DMGDH: variants seen among roughly 807,000 people sequenced by gnomAD.
DMGDH encodes dimethylglycine dehydrogenase.
DMGDH carries 76 observed loss-of-function variants against 95.2 expected under a neutral mutation model. The ratio of observed to expected loss-of-function variants is 0.80; its 90% CI spans 0.66 to 0.97. The LOEUF is 0.97. DMGDH is among the 50% of genes least tolerant of loss of function. The pLI is 0.00. For synonymous variants in DMGDH, 345 were observed against 377.6 expected (o/e 0.91, Z 1.00); for missense variants, 987 against 1,055.0 (o/e 0.94, Z 0.89).
At chr5:79,069,189 A>G (rs548955314) in intron 1 of DMGDH, among the ~76,000 whole-genome samples, 1 of 152,330 alleles carries the variant, frequency 6.6e-6, no homozygotes, top group East Asian at 1.9e-4. Context: ...AATCTCCAAG[A>G]TATATTGATA....
chr5:79,025,568 T>TA (rs1297236956), intron 13 of DMGDH, among the ~76,000 whole-genome samples: 1 of 152,224 alleles, frequency 6.6e-6, no homozygotes, highest in Non-Finnish European at 1.5e-5. Flanking sequence ...TTCTGTAGCA[T>TA]AAAAAATCCA....
rs1487867555 is a variant in DMGDH at position 79,005,260 on chromosome 5, C to T, written c.2385+13G>A. ...ATGCCACAGCCCCTGGCAGTGAGGT[C>T]CTCAGCACTCACCTTGCCATTGTAC... On this transcript the variant is annotated intron_variant, in intron 15 of 15. Coordinates refer to ENST00000255189, the MANE Select transcript of DMGDH (RefSeq NM_013391.3). 6.2e-7 allele frequency: 1 copy of T among 1,613,296 alleles called. No individual in the cohort carries two copies. The highest frequency in any genetic ancestry group is 1.7e-5 in the Admixed American group (1 of 59,976).
At chr5:79,067,526 A>C (rs192001441) in intron 1 of DMGDH, among the ~76,000 whole-genome samples, 1 of 152,332 alleles carries the variant, frequency 6.6e-6, no homozygotes, top group Admixed American at 6.5e-5. Flanking sequence ...CTGAACAGCT[A>C]TTTTAGAGAA....
intron 9 of DMGDH, among the ~76,000 whole-genome samples, chr5:79,032,213 C>T (rs575225333): frequency 1.3e-5 from 2 of 152,318 alleles, no homozygotes; most frequent in South Asian, 4.1e-4. Flanking sequence ...ATGCAAATGA[C>T]CTTATCAACT....
Position 78,998,177 on chromosome 5 carries a change from T to A in DMGDH, c.2506A>T (p.Lys836Ter). The A allele has an allele frequency of 6.2e-7, 1 of 1,614,238 alleles. No individual in the cohort carries two copies. The highest frequency in any genetic ancestry group is 1.1e-5 in the South Asian group (1 of 91,082). ...GQQVEVELLG[K>*]NYPAVIIQEP... ...TGTATGATGACTGCTGGGTAATTTT[T>A]GCCTAATAGTTCAACTTCCACTTGC... Residue 836 changes from lysine (K) to a stop codon, truncating the protein, a stop_gained, in exon 16 of 16, where the codon AAA becomes TAA. Coordinates refer to ENST00000255189, the MANE Select transcript of DMGDH (RefSeq NM_013391.3). LOFTEE classifies it high-confidence loss of function.
rs1168546804 is a variant in DMGDH at position 79,051,400 on chromosome 5, G to T, written c.632C>A (p.Ala211Asp). 6.2e-7 allele frequency: 1 copy of T among 1,614,070 alleles called. No homozygotes were observed. Among genetic ancestry groups the T allele is most frequent in the Admixed American group, 1.7e-5 (1 of 60,010 alleles). Residue 211 changes from alanine to aspartate, a missense_variant, in exon 5 of 16, where the codon GCC (alanine) becomes GAC (aspartate). Ala to Asp is a moderately radical substitution (Grantham distance 126). Coordinates refer to ENST00000255189, the MANE Select transcript of DMGDH (RefSeq NM_013391.3). Reference sequence around the variant, plus strand: ...TACTGGTGCAGGATATTTTAAAAGGGCACCACATTTCCTAGCCCCAGCAGC... The same window carrying T: ...TACTGGTGCAGGATATTTTAAAAGGTCACCACATTTCCTAGCCCCAGCAGC... ...ALAAGARKCG[A>D]LLKYPAPVTS...
At chr5:79,063,259 A>G (rs1486965544) in intron 2 of DMGDH, among the ~76,000 whole-genome samples, 2 of 152,184 alleles carry the variant, frequency 1.3e-5, no homozygotes, top group African/African-American at 2.4e-5. Flanking sequence ...CCTTGCGTTT[A>G]ATAATTTTGC....
In DMGDH at chr5:79,030,144, C is replaced by T. The variant is rs568535560; in HGVS notation, c.1684-110G>A. Reference sequence around the variant, plus strand: ...TGTTAAGAATGAAAAGTATCTGAATCTTACTGTTTGTGTCAATCGTATGAA... The same window carrying T: ...TGTTAAGAATGAAAAGTATCTGAATTTTACTGTTTGTGTCAATCGTATGAA... On this transcript the variant is annotated intron_variant, in intron 10 of 15. Transcript: ENST00000255189. 8.3e-5 allele frequency: 78 copies of T among 939,522 alleles called. 1 individual carries two copies. In the South Asian group the frequency reaches 1.3e-3, roughly 15 times the overall value. The allele number at this position is 939,522 out of a possible 1,614,324, so 58.2% of individuals were successfully genotyped here.
chr5:79,063,597 G>C lies in DMGDH; in HGVS notation c.276+16C>G, dbSNP rs201538877. On this transcript the variant is annotated intron_variant, in intron 2 of 15. Transcript: ENST00000255189. ...CACAATTCCACGCTTATGACAGTTT[G>C]GGGTGCTTTTCTTACTGCGTGCCAG... is the stretch of plus-strand genomic sequence containing the variant. The C allele has an allele frequency of 2.7e-5, 44 of 1,614,134 alleles. No individual in the cohort carries two copies. The African/African-American group carries it at 5.3e-4, about 20-fold the overall frequency.
At chr5:79,049,759 A>G (rs6453425) in intron 5 of DMGDH, among the ~76,000 whole-genome samples, 97,862 of 152,012 alleles carry the variant, frequency 0.64, 31,661 homozygotes, top group East Asian at 0.78. Flanking sequence ...ACAATGCAAC[A>G]TTGTATTGTA....
At chr5:79,038,399 G>T (rs576015864) in intron 7 of DMGDH, among the ~76,000 whole-genome samples, 6 of 152,126 alleles carry the variant, frequency 3.9e-5, no homozygotes, top group Admixed American at 1.3e-4. Context: ...CAAGAGAATT[G>T]CTTGAACCCG....
At chr5:78,998,517 A>G (rs917997253) in intron 15 of DMGDH, among the ~76,000 whole-genome samples, 19 of 152,238 alleles carry the variant, frequency 1.2e-4, no homozygotes, top group African/African-American at 4.6e-4. Context: ...CAAGGTACAC[A>G]TCTGTATTAC....
Position 79,069,547 on chromosome 5 carries a change from C to T in DMGDH, c.74G>A (p.Arg25His), listed in dbSNP as rs1313344830. ...TTCCCGGCCGCAGACAGAGCGCGGG[C>T]GCCCGGGGGAGCCCTGCAGCGGGCA... ...RSCPLQGSPGRPRSVCGREGE... is the reference protein window; with the variant it reads ...RSCPLQGSPGHPRSVCGREGE... The change falls in exon 1 of 16, where the codon CGC becomes CAC. Residue 25 changes from arginine to histidine, a missense_variant. Physicochemically the swap from Arg to His is conservative, Grantham distance 29. Transcript: ENST00000255189. 4 of 1,313,300 alleles carry T rather than the reference C, an allele frequency of 3.0e-6. No homozygotes were observed. Among genetic ancestry groups the T allele is most frequent in the Non-Finnish European group, 1.9e-6 (2 of 1,034,396 alleles). The allele number at this position is 1,313,300 out of a possible 1,614,324, so 81.4% of individuals were successfully genotyped here.
intron 2 of DMGDH, among the ~76,000 whole-genome samples, chr5:79,060,094 A>G (rs1326393128): frequency 6.6e-6 from 1 of 152,220 alleles, no homozygotes; most frequent in East Asian, 1.9e-4. Context: ...ATCATACACA[A>G]CACATCATCC....
chr5:79,057,101 T>C (rs1755056168), intron 2 of DMGDH, among the ~76,000 whole-genome samples: 1 of 152,234 alleles, frequency 6.6e-6, no homozygotes, highest in African/African-American at 2.4e-5. Flanking sequence ...TGTCAAAGTT[T>C]AACCTGTTTG....
At position 79,063,714 on chromosome 5, in the gene DMGDH, AG is replaced by A; in HGVS notation, c.174del (p.Cys59ValfsTer4). 1.2e-6 allele frequency: 2 copies of A among 1,614,158 alleles called. No individual in the cohort carries two copies. Among genetic ancestry groups the A allele is most frequent in the Non-Finnish European group, 1.7e-6 (2 of 1,180,022 alleles). On this transcript the variant is annotated frameshift_variant, in exon 2 of 16. Transcript: ENST00000255189. LOFTEE classifies it high-confidence loss of function. The part of the protein sequence containing the change: ...DRAETVIIGG[G>X]CVGVSLAYHL... ...TGATAAGCCAGACTCACACCAACAC[AG>A]CCACCTCCAATTATCACTGTTTCTG...
intron 14 of DMGDH, among the ~76,000 whole-genome samples, chr5:79,011,324 A>G (rs1160807875): frequency 6.6e-6 from 1 of 152,244 alleles, no homozygotes; most frequent in East Asian, 1.9e-4. Context: ...TCTTGCCAGC[A>G]GCAACAAAGT....
rs773789894 is a variant in DMGDH, at chr5:79,026,508, G to C, written c.2106C>G (p.Gly702=). Residue 702 remains glycine, a synonymous_variant, in exon 13 of 16, where the codon GGC becomes GGG. Coordinates refer to ENST00000255189, the MANE Select transcript of DMGDH (RefSeq NM_013391.3). ...VALYDAIMNA[G]QEEGIDNFGT... The stretch of plus-strand genomic sequence containing the variant: ...CAAAATTGTCGATTCCCTCCTCCTG[G>C]CCTGCATTCATGATAGCGTCATACA... 1.2e-6 allele frequency: 2 copies of C among 1,614,026 alleles called. No homozygotes were observed. Among genetic ancestry groups the C allele is most frequent in the Non-Finnish European group, 1.7e-6 (2 of 1,180,006 alleles).
At chr5:79,024,366 G>T in intron 13 of DMGDH, 36 bp from the exon 14 acceptor site, 1 of 1,564,458 alleles carries the variant, frequency 6.4e-7, no homozygotes, top group Non-Finnish European at 8.8e-7. Flanking sequence ...TCTTAGATGA[G>T]TGCAAGTCAT....
Sources: gnomAD v4.1 joint callset for allele counts (sites outside exome capture counted in the v4.1 genomes callset) on GRCh38, gnomAD v4.1.1 for gene constraint, MANE v1.5 for transcripts, NCBI Gene and HGNC (gene_info 2026-07-23, HGNC 2026-07-21) for gene names.